The following GRID2 variants were observed in gnomAD, a reference collection of about 807,000 sequenced individuals.
GRID2 encodes glutamate ionotropic receptor delta type subunit 2.
GRID2 carries 33 observed loss-of-function variants against 114.8 expected under a neutral mutation model. That is an observed-to-expected ratio of 0.29 (90% confidence interval 0.22 to 0.38). GRID2 has a LOEUF of 0.38. GRID2 is among the 10% of genes least tolerant of loss of function. The pLI, the probability that GRID2 is intolerant of heterozygous loss-of-function variation, is 1.00. For missense variants in GRID2, 1,184 were observed against 1,257.7 expected (o/e 0.94, Z 0.89); for synonymous variants, 505 against 449.9 (o/e 1.12, Z -1.55).
At chr4:93,784,672 A>ACACACC (rs754263749) in intron 1 of GRID2, among the ~76,000 whole-genome samples, 1 of 151,572 alleles carries the variant, frequency 6.6e-6, no homozygotes, top group Non-Finnish European at 1.5e-5. Context: ...ACACACACAC[A>ACACACC]CACCACGGTA....
chr4:93,571,072 G>A (rs1735890364), intron 13 of GRID2, among the ~76,000 whole-genome samples: 1 of 152,126 alleles, frequency 6.6e-6, no homozygotes, highest in Non-Finnish European at 1.5e-5. Flanking sequence ...GGGATGTCAA[G>A]ATAAGTTTCT....
At chr4:92,692,140 T>C (rs185462248) in intron 2 of GRID2, among the ~76,000 whole-genome samples, 134 of 152,242 alleles carry the variant, frequency 8.8e-4, no homozygotes, top group Non-Finnish European at 1.8e-3. Context: ...GAAATTAAGA[T>C]TCCTGTTTCT....
At chr4:92,605,448 A>G (rs1229832860) in intron 2 of GRID2, among the ~76,000 whole-genome samples, 2 of 152,088 alleles carry the variant, frequency 1.3e-5, no homozygotes, top group Non-Finnish European at 1.5e-5. Context: ...CAATATACAA[A>G]GAGATCTAGA....
intron 1 of GRID2, among the ~76,000 whole-genome samples, chr4:92,557,818 A>T (rs937232605): frequency 6.6e-6 from 1 of 152,110 alleles, no homozygotes; most frequent in African/African-American, 2.4e-5. Context: ...GAAAGGCTGA[A>T]GGCTACACCT....
At chr4:92,864,723 T>G (rs1744747810) in intron 2 of GRID2, among the ~76,000 whole-genome samples, 1 of 152,168 alleles carries the variant, frequency 6.6e-6, no homozygotes, top group South Asian at 2.1e-4. Context: ...ACATTATTGT[T>G]TGTCATGGGA....
chr4:93,764,805 C>G (rs755226583), intron 14 of GRID2, among the ~76,000 whole-genome samples: 5 of 152,180 alleles, frequency 3.3e-5, no homozygotes, highest in Non-Finnish European at 7.3e-5. Flanking sequence ...ACTCTTTGCT[C>G]TCTATGAGCA....
chr4:92,678,733 T>A (rs1733506106), intron 2 of GRID2, among the ~76,000 whole-genome samples: 1 of 151,800 alleles, frequency 6.6e-6, no homozygotes, highest in South Asian at 2.1e-4. Context: ...TATCAGAGAG[T>A]GTAAGCATTT....
At chr4:93,160,483 G>A (rs1344090332) in intron 4 of GRID2, among the ~76,000 whole-genome samples, 1 of 151,742 alleles carries the variant, frequency 6.6e-6, no homozygotes, top group Admixed American at 6.6e-5. Flanking sequence ...TTTGAGTGAT[G>A]ACAATGCTAA....
intron 14 of GRID2, among the ~76,000 whole-genome samples, chr4:93,744,207 G>A (rs963153336): frequency 4.6e-5 from 7 of 152,244 alleles, no homozygotes; most frequent in Middle Eastern, 3.4e-3. Flanking sequence ...TGTTGTTTTC[G>A]TGCCTGCTAA....
At chr4:93,124,115 A>AAAC (rs375887232) in intron 4 of GRID2, among the ~76,000 whole-genome samples, 1 of 47,856 alleles carries the variant, frequency 2.1e-5, no homozygotes, top group South Asian at 6.4e-4. Context: ...ATAAAAAAAA[A>AAAC]AGAAAAAAAA....
At chr4:92,683,116 G>A (rs1488927088) in intron 2 of GRID2, among the ~76,000 whole-genome samples, 8 of 152,222 alleles carry the variant, frequency 5.3e-5, no homozygotes, top group East Asian at 1.9e-4. Context: ...TGGCTAACAC[G>A]GTGAAACCTT....
chr4:92,330,847 T>G (rs1007218792), intron 1 of GRID2, among the ~76,000 whole-genome samples: 1 of 152,248 alleles, frequency 6.6e-6, no homozygotes, highest in Admixed American at 6.5e-5. Flanking sequence ...AAGTTCTGAA[T>G]TTTTTTCAAA....
At chr4:93,667,681 T>A (rs950004132) in intron 14 of GRID2, among the ~76,000 whole-genome samples, 1 of 151,972 alleles carries the variant, frequency 6.6e-6, no homozygotes, top group Non-Finnish European at 1.5e-5. Context: ...TTTACCAAAG[T>A]TTAGGTGAAC....
chr4:92,830,848 G>T (rs1412168216), intron 2 of GRID2, among the ~76,000 whole-genome samples: 2 of 152,122 alleles, frequency 1.3e-5, no homozygotes, highest in Non-Finnish European at 2.9e-5. Flanking sequence ...TTAAGTATCT[G>T]GGTATTGCAA....
intron 2 of GRID2, among the ~76,000 whole-genome samples, chr4:92,846,365 T>C (rs1358934446): frequency 6.6e-6 from 1 of 152,126 alleles, no homozygotes; most frequent in Non-Finnish European, 1.5e-5. Flanking sequence ...TGTACTCATC[T>C]TTATGTCTAT....
At chr4:92,949,467 T>A (rs916876581) in intron 2 of GRID2, among the ~76,000 whole-genome samples, 1 of 152,002 alleles carries the variant, frequency 6.6e-6, no homozygotes, top group African/African-American at 2.4e-5. Flanking sequence ...AAATAACCTT[T>A]ACATTTTAAG....
At chr4:92,457,498 T>A (rs1422704127) in intron 1 of GRID2, among the ~76,000 whole-genome samples, 4 of 152,146 alleles carry the variant, frequency 2.6e-5, no homozygotes, top group Non-Finnish European at 5.9e-5. Flanking sequence ...TCGAAAGATG[T>A]AGGCTTCATC....
chr4:92,341,462 T>G (rs1727484467), intron 1 of GRID2, among the ~76,000 whole-genome samples: 1 of 152,032 alleles, frequency 6.6e-6, no homozygotes. Flanking sequence ...GCCACTAAAG[T>G]CTAGAGCTGC....
chr4:92,626,137 A>G (rs1283462066), intron 2 of GRID2, among the ~76,000 whole-genome samples: 1 of 151,988 alleles, frequency 6.6e-6, no homozygotes, highest in Admixed American at 6.6e-5. Flanking sequence ...TTTAAGTCCA[A>G]CACCAAGCCA....
Sources: allele counts gnomAD v4.1 joint callset (sites outside exome capture counted in the v4.1 genomes callset), GRCh38; gene constraint gnomAD v4.1.1; transcripts MANE v1.5; gene names NCBI Gene and HGNC (gene_info 2026-07-23, HGNC 2026-07-21).